Variants in GALNTL6 observed in about 807,000 individuals in gnomAD.
GALNTL6 encodes polypeptide N-acetylgalactosaminyltransferase like 6.
In GALNTL6, 46 loss-of-function variants were observed where a neutral mutation model predicts 73.7. The observed-to-expected ratio is 0.62, with a 90% CI of 0.49 to 0.80. GALNTL6 has a LOEUF of 0.80. Among genes scored for constraint, GALNTL6 ranks in the 30% least tolerant of loss-of-function variants. The pLI, the probability that GALNTL6 is intolerant of heterozygous loss-of-function variation, is 0.00. For missense variants in GALNTL6, 604 were observed against 755.0 expected, an observed-to-expected ratio of 0.80 and a Z score of 2.34; for synonymous variants, 259 against 263.7, an observed-to-expected ratio of 0.98 and a Z score of 0.17.
At chr4:172,239,737 C>T (rs918601752) in intron 3 of GALNTL6, among the ~76,000 whole-genome samples, 2 of 152,048 alleles carry the variant, frequency 1.3e-5, no homozygotes, top group African/African-American at 4.8e-5. Flanking sequence ...TATAAACTTT[C>T]CTCTTAATGC....
intron 8 of GALNTL6, among the ~76,000 whole-genome samples, chr4:172,889,473 G>A (rs2111208713): frequency 6.6e-6 from 1 of 152,220 alleles, no homozygotes; most frequent in East Asian, 1.9e-4. Context: ...AAAGGATAAT[G>A]GGATTTATCA....
Position 172,682,119 on chromosome 4 carries a change from T to C in GALNTL6, c.554-127242T>C, listed in dbSNP as rs117626045. Among the ~76,000 whole-genome samples the C allele has an allele frequency of 5.3e-4, 81 of 152,258 alleles. No individual in the cohort carries two copies. The East Asian group carries it at 0.015, about 28-fold the overall frequency. Reference sequence around the variant, plus strand: ...GACACAGTAATATGACAGAATTTGGTGCACAGAAATATAGAACACAAAACC... The same window carrying C: ...GACACAGTAATATGACAGAATTTGGCGCACAGAAATATAGAACACAAAACC... On this transcript the variant is annotated intron_variant, in intron 5 of 12. Coordinates refer to ENST00000506823, the MANE Select transcript of GALNTL6 (RefSeq NM_001034845.3).
chr4:171,930,908 G>T (rs925605096), intron 2 of GALNTL6, among the ~76,000 whole-genome samples: 2 of 152,094 alleles, frequency 1.3e-5, no homozygotes, highest in Non-Finnish European at 2.9e-5. Flanking sequence ...TTCAACATAT[G>T]ACTGAAAGTC....
chr4:172,446,781 C>G (rs1046218591), intron 5 of GALNTL6, among the ~76,000 whole-genome samples: 27 of 152,068 alleles, frequency 1.8e-4, no homozygotes, highest in African/African-American at 6.5e-4. Flanking sequence ...TCATCATGTC[C>G]CCTTGAGAGA....
rs564427525 is a variant in GALNTL6, at chr4:172,331,257, G to A, written c.387-17266G>A. 1.1e-4 allele frequency among the ~76,000 whole-genome samples: 15 copies of A among 139,710 alleles called. No individual in the cohort carries two copies. The East Asian group carries it at 3.0e-3, about 28-fold the overall frequency. 91.7% of individuals were successfully genotyped at this position (139,710 alleles called of 152,430 possible). ...CATATTACAAAATGTTCAACATCTT[G>A]TAAAAAAAAAAAAAAGTAGTTTTTG... is the stretch of plus-strand genomic sequence containing the variant. On this transcript the variant is annotated intron_variant, in intron 4 of 12. Coordinates refer to ENST00000506823, the MANE Select transcript of GALNTL6 (RefSeq NM_001034845.3).
chr4:172,579,082 A>G (rs1387434034), intron 5 of GALNTL6, among the ~76,000 whole-genome samples: 1 of 152,214 alleles, frequency 6.6e-6, no homozygotes, highest in Non-Finnish European at 1.5e-5. Context: ...GACATTGATT[A>G]GGAAATATAA....
chr4:172,746,996 A>G (rs973534158), intron 5 of GALNTL6, among the ~76,000 whole-genome samples: 2 of 152,190 alleles, frequency 1.3e-5, no homozygotes, highest in African/African-American at 4.8e-5. Flanking sequence ...TAAATTCAGT[A>G]AAGTTGCAGG....
intron 2 of GALNTL6, among the ~76,000 whole-genome samples, chr4:171,988,182 T>C (rs1031938462): frequency 6.6e-6 from 1 of 152,034 alleles, no homozygotes; most frequent in African/African-American, 2.4e-5. Flanking sequence ...GGCTACAGGG[T>C]GCAGTCCTGG....
chr4:172,806,025 A>G lies in GALNTL6; in HGVS notation c.554-3336A>G, dbSNP rs115582701. ...AATGAATCTGAACTCTGTTCATACT[A>G]AAGAAAGGCAAAATATTTTTAATTT... On this transcript the variant is annotated intron_variant, in intron 5 of 12. Coordinates refer to ENST00000506823, the MANE Select transcript of GALNTL6 (RefSeq NM_001034845.3). 2.9e-3 allele frequency among the ~76,000 whole-genome samples: 446 copies of G among 152,348 alleles called. 1 individual carries two copies. The highest frequency in any genetic ancestry group is 0.01 in the African/African-American group (426 of 41,578).
chr4:172,694,289 C>T (rs1264704464), intron 5 of GALNTL6, among the ~76,000 whole-genome samples: 1 of 152,058 alleles, frequency 6.6e-6, no homozygotes, highest in Non-Finnish European at 1.5e-5. Flanking sequence ...TGTTCTCCCT[C>T]CCCTTGCCCC....
chr4:172,091,674 T>C (rs912476902), intron 2 of GALNTL6, among the ~76,000 whole-genome samples: 1 of 152,218 alleles, frequency 6.6e-6, no homozygotes, highest in Non-Finnish European at 1.5e-5. Flanking sequence ...GAGACTCTTA[T>C]TAAACTTGTG....
chr4:171,867,533 T>C (rs1386875555), intron 2 of GALNTL6, among the ~76,000 whole-genome samples: 1 of 152,206 alleles, frequency 6.6e-6, no homozygotes, highest in African/African-American at 2.4e-5. Flanking sequence ...CTTGTTTCCA[T>C]CCCCGACACC....
intron 5 of GALNTL6, among the ~76,000 whole-genome samples, chr4:172,383,779 G>A (rs957380335): frequency 6.6e-6 from 1 of 152,024 alleles, no homozygotes; most frequent in African/African-American, 2.4e-5. Context: ...ATCGGGTTCA[G>A]GAGTTCCCTT....
At chr4:172,204,674 C>G (rs1736053606) in intron 2 of GALNTL6, among the ~76,000 whole-genome samples, 1 of 152,028 alleles carries the variant, frequency 6.6e-6, no homozygotes, top group South Asian at 2.1e-4. Context: ...TGGACAGAGA[C>G]ATGACAATCT....
intron 5 of GALNTL6, among the ~76,000 whole-genome samples, chr4:172,447,263 C>T (rs1015061632): frequency 6.6e-6 from 1 of 152,192 alleles, no homozygotes; most frequent in Non-Finnish European, 1.5e-5. Context: ...AGTGCCTTCA[C>T]TTTGGCCTCT....
intron 5 of GALNTL6, among the ~76,000 whole-genome samples, chr4:172,448,052 A>G (rs1732088505): frequency 6.6e-6 from 1 of 152,200 alleles, no homozygotes; most frequent in Non-Finnish European, 1.5e-5. Flanking sequence ...CTAAAACATG[A>G]ATGATAGAAT....
At chr4:172,658,042 C>G (rs1332530082) in intron 5 of GALNTL6, among the ~76,000 whole-genome samples, 1 of 127,736 alleles carries the variant, frequency 7.8e-6, no homozygotes, top group Non-Finnish European at 1.6e-5. Flanking sequence ...CCCAGCTACT[C>G]GGGAGGCTGA....
At chr4:172,753,074 G>T (rs1212613328) in intron 5 of GALNTL6, among the ~76,000 whole-genome samples, 1 of 152,124 alleles carries the variant, frequency 6.6e-6, no homozygotes, top group African/African-American at 2.4e-5. Context: ...ACCTTGAATT[G>T]TAATAATCCC....
intron 2 of GALNTL6, among the ~76,000 whole-genome samples, chr4:172,209,672 G>A (rs1046344892): frequency 6.6e-6 from 1 of 151,848 alleles, no homozygotes; most frequent in Non-Finnish European, 1.5e-5. Context: ...TAATAACAGA[G>A]GATCAAAATA....
Sources: gnomAD v4.1 joint callset for allele counts (sites outside exome capture counted in the v4.1 genomes callset) on GRCh38, gnomAD v4.1.1 for gene constraint, MANE v1.5 for transcripts, NCBI Gene and HGNC (gene_info 2026-07-23, HGNC 2026-07-21) for gene names.